Variants in CUX2 observed in about 807,000 individuals in gnomAD.
CUX2 encodes cut like homeobox 2, also known as homeobox protein cut-like 2.
CUX2 carries 40 observed loss-of-function variants against 144.8 expected under a neutral mutation model. The observed-to-expected ratio is 0.28, with a 90% CI of 0.21 to 0.36. CUX2 has a LOEUF of 0.36. Among genes scored for constraint, CUX2 ranks in the 10% least tolerant of loss-of-function variants. The pLI is 1.00. For synonymous variants in CUX2, 827 were observed against 875.6 expected (o/e 0.94, Z 0.98); for missense variants, 1,615 against 1,994.0 (o/e 0.81, Z 3.62).
At chr12:111,130,601 A>C (rs561034615) in intron 1 of CUX2, among the ~76,000 whole-genome samples, 25 of 152,282 alleles carry the variant, frequency 1.6e-4, no homozygotes, top group Admixed American at 6.5e-4. Flanking sequence ...GGGCTCCCCC[A>C]AAAAATTTAT....
chr12:111,195,802 T>C (rs538859818), intron 1 of CUX2, among the ~76,000 whole-genome samples: 1 of 152,256 alleles, frequency 6.6e-6, no homozygotes, highest in Non-Finnish European at 1.5e-5. Flanking sequence ...ATATGAGGAG[T>C]GGCTGCTAAG....
chr12:111,202,700 G>A (rs766091869), intron 1 of CUX2, among the ~76,000 whole-genome samples: 2 of 152,168 alleles, frequency 1.3e-5, no homozygotes, highest in African/African-American at 4.8e-5. Context: ...AGGCGGGCAG[G>A]GAAAGCAGGC....
chr12:111,145,219 C>T (rs1398194472), intron 1 of CUX2, among the ~76,000 whole-genome samples: 1 of 152,220 alleles, frequency 6.6e-6, no homozygotes, highest in Admixed American at 6.5e-5. Context: ...CATGTGTTAA[C>T]ATGCAGGATT....
intron 1 of CUX2, among the ~76,000 whole-genome samples, chr12:111,177,951 C>G (rs1043959474): frequency 6.6e-6 from 1 of 152,190 alleles, no homozygotes; most frequent in Admixed American, 6.5e-5. Context: ...ATGCCCAGCG[C>G]GTAGTAAGCA....
intron 3 of CUX2, among the ~76,000 whole-genome samples, chr12:111,253,543 C>G (rs1479640229): frequency 6.6e-6 from 1 of 152,190 alleles, no homozygotes; most frequent in African/African-American, 2.4e-5. Flanking sequence ...CTCCCCTGCA[C>G]TTGACGACTG....
chr12:111,134,398 G>A (rs987242514), intron 1 of CUX2, among the ~76,000 whole-genome samples: 6 of 152,074 alleles, frequency 3.9e-5, no homozygotes, highest in Admixed American at 1.3e-4. Context: ...TAAACACCAT[G>A]GACTATCAGT....
At chr12:111,043,429 C>T (rs992003853) in intron 1 of CUX2, among the ~76,000 whole-genome samples, 2 of 151,998 alleles carry the variant, frequency 1.3e-5, no homozygotes, top group African/African-American at 4.8e-5. Flanking sequence ...GCAGTATGGC[C>T]GGGAGAAGAT....
Position 111,061,102 on chromosome 12 carries a change from G to A in CUX2, c.63+26862G>A, listed in dbSNP as rs1207545121. Among the ~76,000 whole-genome samples the A allele has an allele frequency of 6.6e-6, 1 of 152,042 alleles. No homozygotes were observed. The highest frequency in any genetic ancestry group is 1.5e-5 in the Non-Finnish European group (1 of 68,014). ...TCATGGGAGGCCTCCCCTCATGGCT[G>A]TGGCCCTGCAGAGGCCAGCCGCTGA... On this transcript the variant is annotated intron_variant, in intron 1 of 21. Transcript: ENST00000261726. This position sits in a 1 kb window ranked among gnomAD's most constrained non-coding sequence, Gnocchi z 4.2.
rs1274311296 is a variant in CUX2, at chr12:111,295,450, G to A, written c.637+41G>A. ...ATGTGGCCTAGAGGGAGGACTGGGA[G>A]GGGACGGTAATGCTGTCAACGAGGG... On this transcript the variant is annotated intron_variant, in intron 7 of 21. Transcript: ENST00000261726. The surrounding 1 kb of genome is among the most constrained non-coding windows in gnomAD (Gnocchi z 5.0). The A allele has an allele frequency of 6.3e-7, 1 of 1,576,838 alleles. No individual in the cohort carries two copies. Among genetic ancestry groups the A allele is most frequent in the Non-Finnish European group, 8.7e-7 (1 of 1,155,016 alleles).
intron 18 of CUX2, among the ~76,000 whole-genome samples, chr12:111,324,341 ACT>A (rs1190210907): frequency 3.0e-5 from 4 of 133,310 alleles, no homozygotes; most frequent in Admixed American, 2.3e-4. Context: ...ACAGTGTGAG[ACT>A]CTGTCTCAAA....
intron 3 of CUX2, among the ~76,000 whole-genome samples, chr12:111,238,205 TTA>T (rs1286048952): frequency 1.3e-5 from 2 of 152,218 alleles, no homozygotes; most frequent in African/African-American, 4.8e-5. Context: ...CAGTCTGTAA[TTA>T]TATGTTTGTT....
intron 1 of CUX2, among the ~76,000 whole-genome samples, chr12:111,210,677 G>A (rs970665427): frequency 5.3e-5 from 8 of 152,008 alleles, no homozygotes; most frequent in African/African-American, 1.7e-4. Context: ...CATGCCTATA[G>A]TCACAGCTAC....
At chr12:111,191,613 C>T (rs559311674) in intron 1 of CUX2, among the ~76,000 whole-genome samples, 5 of 152,166 alleles carry the variant, frequency 3.3e-5, no homozygotes, top group African/African-American at 1.2e-4. Context: ...GGCGTGAGCC[C>T]CCATACCCAG....
At chr12:111,233,694 G>A (rs1002843546) in intron 3 of CUX2, among the ~76,000 whole-genome samples, 2 of 152,172 alleles carry the variant, frequency 1.3e-5, no homozygotes, top group Non-Finnish European at 2.9e-5. Context: ...ATATTCTGGA[G>A]AATCCTGAGA....
intron 1 of CUX2, among the ~76,000 whole-genome samples, chr12:111,114,796 TTA>T (rs1415871917): frequency 6.6e-6 from 1 of 152,248 alleles, no homozygotes; most frequent in African/African-American, 2.4e-5. Flanking sequence ...GCTTTAGCAT[TTA>T]TGTTTGGGTT....
chr12:111,141,486 C>A (rs1397751772), intron 1 of CUX2, among the ~76,000 whole-genome samples: 1 of 152,158 alleles, frequency 6.6e-6, no homozygotes, highest in Non-Finnish European at 1.5e-5. Flanking sequence ...TATCTGGCCC[C>A]ATGCTAAGCC....
chr12:111,120,497 A>G (rs1874582502), intron 1 of CUX2, among the ~76,000 whole-genome samples: 1 of 151,762 alleles, frequency 6.6e-6, no homozygotes, highest in Admixed American at 6.6e-5. Context: ...CCCAGGCCCC[A>G]CTCCTGGGAG....
rs146266698 is a variant in CUX2, at chr12:111,316,711, A to T, written c.2003-3301A>T. On this transcript the variant is annotated intron_variant, in intron 16 of 21. Transcript: ENST00000261726. Reference sequence around the variant, plus strand: ...GTGATCGGCCTGCCTCAGTCTCCCAAAGTGCTGGGATTACAGACGTGAACC... The same window carrying T: ...GTGATCGGCCTGCCTCAGTCTCCCATAGTGCTGGGATTACAGACGTGAACC... Among the ~76,000 whole-genome samples, 497 of 152,118 alleles carry T rather than the reference A, an allele frequency of 3.3e-3. 2 individuals are homozygous for T. Among genetic ancestry groups the T allele is most frequent in the African/African-American group, 0.011 (464 of 41,496 alleles).
chr12:111,158,863 A>G (rs1325666279), intron 1 of CUX2, among the ~76,000 whole-genome samples: 1 of 152,194 alleles, frequency 6.6e-6, no homozygotes, highest in Non-Finnish European at 1.5e-5. Flanking sequence ...ATCATGAGCC[A>G]GTCTCTGCCC....
Sources: gnomAD v4.1 joint callset for allele counts (sites outside exome capture counted in the v4.1 genomes callset) on GRCh38, gnomAD v4.1.1 for gene constraint, Gnocchi (gnomAD v3.1) non-coding constraint, MANE v1.5 for transcripts, NCBI Gene and HGNC (gene_info 2026-07-23, HGNC 2026-07-21) for gene names.